Variants in NR3C1 observed in about 807,000 individuals in gnomAD.
The protein encoded by NR3C1 is nuclear receptor subfamily 3 group C member 1.
A neutral mutation model predicts 74.0 loss-of-function variants in NR3C1; 14 were observed. The observed-to-expected ratio is 0.19, with a 90% CI of 0.12 to 0.30. The LOEUF is 0.30. Ranked by LOEUF, NR3C1 falls within the 10% of genes least tolerant of loss-of-function variation. The pLI is 1.00. For missense variants in NR3C1, 695 were observed against 909.8 expected (o/e 0.76, Z 3.04); for synonymous variants, 308 against 332.5 (o/e 0.93, Z 0.80).
chr5:143,405,321 G>A, upstream of NR3C1: 6 of 985,654 alleles, frequency 6.1e-6, no homozygotes, highest in South Asian at 2.8e-4. Flanking sequence ...CTCGGCCACA[G>A]CCACTCTCTC....
intron 1 of NR3C1, among the ~76,000 whole-genome samples, chr5:143,427,077 G>T (rs1332460752): frequency 6.6e-6 from 1 of 152,076 alleles, no homozygotes; most frequent in African/African-American, 2.4e-5. Flanking sequence ...TAGCCCCAAT[G>T]AACTCCCCAT....
At chr5:143,400,895 T>G (rs183064665) in intron 1 of NR3C1, 43 bp from the exon 2 acceptor site, 17 of 1,442,186 alleles carry the variant, frequency 1.2e-5, no homozygotes, top group East Asian at 2.3e-5. Context: ...CATCATAAGC[T>G]CTAAAGTCAC....
At chr5:143,428,130 G>A (rs1751630418) in intron 1 of NR3C1, among the ~76,000 whole-genome samples, 1 of 152,172 alleles carries the variant, frequency 6.6e-6, no homozygotes, top group Admixed American at 6.5e-5. Flanking sequence ...AGGACTTACA[G>A]GCGAATAGAT....
chr5:143,332,820 G>GC (rs1826276785), intron 2 of NR3C1: 1 of 1,481,904 alleles, frequency 6.7e-7, no homozygotes, highest in African/African-American at 1.4e-5. Flanking sequence ...GAGAACCACT[G>GC]CAAGACTTCG....
intron 2 of NR3C1, among the ~76,000 whole-genome samples, chr5:143,371,533 T>C (rs900225823): frequency 3.3e-5 from 5 of 152,156 alleles, no homozygotes; most frequent in African/African-American, 1.2e-4. Flanking sequence ...TTGTCCACAG[T>C]AGAAACTGCA....
chr5:143,281,949 G>C lies in NR3C1; in HGVS notation c.2274C>G (p.Thr758=). Residue 758 remains threonine, a synonymous_variant, in exon 9 of 9, where the codon ACC becomes ACG. Coordinates refer to ENST00000394464, the MANE Select transcript of NR3C1 (RefSeq NM_000176.3). The stretch of plus-strand genomic sequence containing the variant: ...CATTTGAATATTTTGGTATCTGATT[G>C]GTGATGATTTCAGCTAACATCTCGG... The part of the protein sequence containing the change: ...EFPEMLAEII[T]NQIPKYSNGN... 1 of 1,613,108 alleles carries C rather than the reference G, an allele frequency of 6.2e-7. No individual in the cohort carries two copies. Among genetic ancestry groups the C allele is most frequent in the Non-Finnish European group, 8.5e-7 (1 of 1,179,372 alleles).
chr5:143,328,202 G>A (rs1407599078), intron 2 of NR3C1, among the ~76,000 whole-genome samples: 1 of 152,232 alleles, frequency 6.6e-6, no homozygotes, highest in Admixed American at 6.5e-5. Flanking sequence ...CTGAAGCAAT[G>A]GTGCGAGCTG....
At chr5:143,363,581 TA>T (rs59059232) in intron 2 of NR3C1, among the ~76,000 whole-genome samples, 122,653 of 149,462 alleles carry the variant, frequency 0.82, 50,132 homozygotes, top group African/African-American at 0.88. Context: ...TCCAAAAAAA[TA>T]AAAAAAAAAA....
At chr5:143,369,116 G>A (rs1385066795) in intron 2 of NR3C1, among the ~76,000 whole-genome samples, 1 of 152,204 alleles carries the variant, frequency 6.6e-6, no homozygotes, top group Non-Finnish European at 1.5e-5. Context: ...CTGCCACATT[G>A]GGGATTATGT....
At chr5:143,346,093 T>C (rs187209554) in intron 2 of NR3C1, among the ~76,000 whole-genome samples, 66 of 152,354 alleles carry the variant, frequency 4.3e-4, no homozygotes, top group African/African-American at 1.6e-3. Context: ...CAGATTATTA[T>C]GAGGCATACA....
intron 2 of NR3C1, among the ~76,000 whole-genome samples, chr5:143,325,638 C>A (rs538331537): frequency 6.6e-6 from 1 of 152,224 alleles, no homozygotes; most frequent in East Asian, 1.9e-4. Context: ...GTTACTATTA[C>A]TCTTTTACTC....
chr5:143,375,727 T>G (rs1346755598), intron 2 of NR3C1: 1 of 152,248 alleles, frequency 6.6e-6, no homozygotes, highest in African/African-American at 2.4e-5. Flanking sequence ...GAGAGCCACT[T>G]GACAATTTCT....
At position 143,281,759 on chromosome 5, in the gene NR3C1, T is replaced by G. The variant is rs1813144973; in HGVS notation, c.*130A>C. 1 of 1,062,714 alleles carries G rather than the reference T, an allele frequency of 9.4e-7. No homozygotes were observed. Among genetic ancestry groups the G allele is most frequent in the Non-Finnish European group, 1.4e-6 (1 of 725,068 alleles). The allele number at this position is 1,062,714 out of a possible 1,614,324, so 65.8% of individuals were successfully genotyped here. A position where few individuals can be genotyped will look rare whatever the true frequency, so the allele number is the denominator to read the frequency against. ...CTCTATAAACCACATGTAGTGCGTA[T>G]TTAAAACAAAACAACAGATGAAAAC... is the stretch of plus-strand genomic sequence containing the variant. On this transcript the variant is annotated 3_prime_UTR_variant, in exon 9 of 9. Transcript: ENST00000394464.
At chr5:143,305,063 T>C (rs781008189) in intron 4 of NR3C1, among the ~76,000 whole-genome samples, 1 of 152,106 alleles carries the variant, frequency 6.6e-6, no homozygotes, top group African/African-American at 2.4e-5. Flanking sequence ...ACTAAAGAGT[T>C]TCTGCAAATC....
intron 2 of NR3C1, among the ~76,000 whole-genome samples, chr5:143,315,798 A>C (rs965990514): frequency 6.6e-6 from 1 of 152,176 alleles, no homozygotes; most frequent in Non-Finnish European, 1.5e-5. Flanking sequence ...TGGAATGACA[A>C]TTTCTTTTAT....
intron 7 of NR3C1, among the ~76,000 whole-genome samples, chr5:143,290,888 CTACTGATGTGTTTGAATTTAGCTG>C (rs1288073566): frequency 6.6e-6 from 1 of 152,140 alleles, no homozygotes; most frequent in Non-Finnish European, 1.5e-5. Flanking sequence ...TGAAACTAAA[CTACTGATGTGTTTGAATTTAGCTG>C]TACTAATGTA....
At chr5:143,427,964 C>CA (rs1751621177) in intron 1 of NR3C1, among the ~76,000 whole-genome samples, 1 of 152,216 alleles carries the variant, frequency 6.6e-6, no homozygotes, top group African/African-American at 2.4e-5. Context: ...CCATTATGGT[C>CA]ATTGTTATTC....
At chr5:143,405,881 C>T (rs1297451036), upstream of NR3C1, among the ~76,000 whole-genome samples, 1 of 152,136 alleles carries the variant, frequency 6.6e-6, no homozygotes, top group Non-Finnish European at 1.5e-5. Context: ...ACTGCTTGAC[C>T]TAGTTGCCCG....
chr5:143,358,427 C>T (rs895847623), intron 2 of NR3C1, among the ~76,000 whole-genome samples: 2 of 152,138 alleles, frequency 1.3e-5, no homozygotes, highest in Admixed American at 6.5e-5. Flanking sequence ...AACACTTTTG[C>T]CATTATAACC....
Sources: gnomAD v4.1 joint callset for allele counts (sites outside exome capture counted in the v4.1 genomes callset) on GRCh38, gnomAD v4.1.1 for gene constraint, MANE v1.5 for transcripts, NCBI Gene and HGNC (gene_info 2026-07-23, HGNC 2026-07-21) for gene names.